SLC22A25: variants seen among roughly 807,000 people sequenced by gnomAD.
SLC22A25 encodes the protein solute carrier family 22 member 25.
In SLC22A25, 44 loss-of-function variants were observed where a neutral mutation model predicts 45.9. The ratio of observed to expected loss-of-function variants is 0.96; its 90% CI spans 0.75 to 1.23. SLC22A25 has a LOEUF of 1.23. Among genes scored for constraint, SLC22A25 ranks in the 50% most tolerant of loss-of-function variants. The pLI, the probability that SLC22A25 is intolerant of heterozygous loss-of-function variation, is 0.00. For synonymous variants in SLC22A25, 283 were observed against 238.6 expected (o/e 1.19, Z -1.72); for missense variants, 800 against 666.4 (o/e 1.20, Z -2.21).
chr11:63,235,377 C>A (rs375716147), intron 3 of SLC22A25, among the ~76,000 whole-genome samples: 5 of 152,152 alleles, frequency 3.3e-5, no homozygotes, highest in Admixed American at 2.6e-4. Context: ...CTTCTCTTCA[C>A]GCTACATTTC....
At chr11:63,227,341 G>A (rs898492983) in intron 5 of SLC22A25, among the ~76,000 whole-genome samples, 1 of 152,090 alleles carries the variant, frequency 6.6e-6, no homozygotes, top group African/African-American at 2.4e-5. Flanking sequence ...AGGAGCCAAG[G>A]GATATTTAGT....
intron 7 of SLC22A25, among the ~76,000 whole-genome samples, chr11:63,208,747 T>C (rs1590869174): frequency 6.6e-6 from 1 of 151,984 alleles, no homozygotes; most frequent in African/African-American, 2.4e-5. Flanking sequence ...GCTGTGTGCT[T>C]GGAGGTGAGT....
At chr11:63,197,875 C>A (rs1590846768) in intron 7 of SLC22A25, among the ~76,000 whole-genome samples, 1 of 152,018 alleles carries the variant, frequency 6.6e-6, no homozygotes, top group South Asian at 2.1e-4. Flanking sequence ...AATAAATTTA[C>A]AAGGAAAAAT....
rs58301566 is a variant in SLC22A25, at chr11:63,163,391, G to T, written c.*433C>A. On this transcript the variant is annotated 3_prime_UTR_variant, in exon 12 of 12. Transcript: ENST00000306494. ...TGTGATACAAAAGGACTTCTCATCT[G>T]TGGGAGGGGCTCTTATTTTCTATAC... Among the ~76,000 whole-genome samples the T allele has an allele frequency of 0.018, 2,775 of 152,186 alleles. 80 individuals carry two copies. The highest frequency in any genetic ancestry group is 0.064 in the African/African-American group (2,637 of 41,514).
At chr11:63,240,511 A>G (rs2090230390) in intron 1 of SLC22A25, among the ~76,000 whole-genome samples, 1 of 152,190 alleles carries the variant, frequency 6.6e-6, no homozygotes, top group Non-Finnish European at 1.5e-5. Context: ...GGCTTACTGT[A>G]ATTTTGTAAC....
At position 63,224,687 on chromosome 11, in the gene SLC22A25, T is replaced by A. The variant is rs1176172600; in HGVS notation, c.506+3774A>T. 5.9e-5 allele frequency among the ~76,000 whole-genome samples: 9 copies of A among 152,354 alleles called. No individual in the cohort carries two copies. The South Asian group carries it at 1.2e-3, about 21-fold the overall frequency. ...AAACTGATAGTTAATAGAGATTGCA[T>A]AAACATGAAAAACAAACAGGCAAAA... On this transcript the variant is annotated intron_variant, in intron 5 of 11. Coordinates refer to ENST00000306494, the MANE Select transcript of SLC22A25 (RefSeq NM_199352.6).
At chr11:63,205,871 C>A (rs971662966) in intron 7 of SLC22A25, among the ~76,000 whole-genome samples, 4 of 152,120 alleles carry the variant, frequency 2.6e-5, no homozygotes, top group Non-Finnish European at 5.9e-5. Context: ...GCCAATATTC[C>A]TGATGAACAT....
intron 7 of SLC22A25, among the ~76,000 whole-genome samples, chr11:63,213,892 T>C (rs577031089): frequency 2.0e-5 from 3 of 152,312 alleles, no homozygotes; most frequent in South Asian, 4.1e-4. Context: ...GTAGTAGTGA[T>C]CCAACACTCG....
At chr11:63,172,593 T>A (rs897314075) in intron 9 of SLC22A25, among the ~76,000 whole-genome samples, 1 of 150,968 alleles carries the variant, frequency 6.6e-6, no homozygotes, top group Admixed American at 6.6e-5. Flanking sequence ...CGAGATACCA[T>A]CTCATGCCAG....
intron 3 of SLC22A25, among the ~76,000 whole-genome samples, chr11:63,233,707 A>T (rs2090113201): frequency 6.6e-6 from 1 of 152,014 alleles, no homozygotes; most frequent in Non-Finnish European, 1.5e-5. Context: ...TTGCTTCTCT[A>T]GTTCTTTTAA....
chr11:63,200,544 C>G (rs1001816833), intron 7 of SLC22A25, among the ~76,000 whole-genome samples: 2 of 151,926 alleles, frequency 1.3e-5, no homozygotes, highest in African/African-American at 2.4e-5. Flanking sequence ...AACCCACAAA[C>G]AACATAATAC....
chr11:63,228,627 G>A (rs1165723499), intron 4 of SLC22A25, 63 bp from the exon 5 acceptor site: 2 of 1,238,264 alleles, frequency 1.6e-6, no homozygotes, highest in Middle Eastern at 1.9e-4. Context: ...TTATCAAAAT[G>A]TCTTAAAATA....
chr11:63,183,401 T>C (rs1174918818), intron 8 of SLC22A25, among the ~76,000 whole-genome samples: 1 of 152,106 alleles, frequency 6.6e-6, no homozygotes, highest in Non-Finnish European at 1.5e-5. Context: ...AATGAACTAA[T>C]TTAGGTTACT....
At chr11:63,215,925 A>G (rs1001430766) in intron 7 of SLC22A25, among the ~76,000 whole-genome samples, 6 of 152,192 alleles carry the variant, frequency 3.9e-5, no homozygotes, top group African/African-American at 1.2e-4. Flanking sequence ...AGCTCCATCC[A>G]TGTTCCTGCA....
intron 1 of SLC22A25, among the ~76,000 whole-genome samples, chr11:63,240,018 AC>A (rs1301987863): frequency 2.0e-5 from 3 of 152,278 alleles, no homozygotes; most frequent in African/African-American, 7.2e-5. Context: ...GAGTGTACTT[AC>A]GCAAACCTAT....
At chr11:63,174,056 A>AC (rs2087994553) in intron 9 of SLC22A25, among the ~76,000 whole-genome samples, 1 of 151,334 alleles carries the variant, frequency 6.6e-6, no homozygotes, top group Non-Finnish European at 1.5e-5. Flanking sequence ...CCCCTAACCC[A>AC]CCACCCCCTG....
intron 7 of SLC22A25, among the ~76,000 whole-genome samples, chr11:63,215,740 T>C (rs1304284638): frequency 6.6e-6 from 1 of 152,138 alleles, no homozygotes; most frequent in Non-Finnish European, 1.5e-5. Flanking sequence ...CCAGTACCCA[T>C]AGTTATCTTT....
In SLC22A25 at chr11:63,162,316, G is replaced by T. The variant is rs1484392919; in HGVS notation, c.*1508C>A. On this transcript the variant is annotated 3_prime_UTR_variant, in exon 12 of 12. Transcript: ENST00000306494. The stretch of plus-strand genomic sequence containing the variant: ...TTTGCTTTGTTTTCCTGTACTTGTG[G>T]GGTATTACTCAAGAAATCTTTGGCC... 6.6e-6 allele frequency among the ~76,000 whole-genome samples: 1 copy of T among 152,082 alleles called. No homozygotes were observed. The highest frequency in any genetic ancestry group is 1.5e-5 in the Non-Finnish European group (1 of 68,018).
intron 7 of SLC22A25, among the ~76,000 whole-genome samples, chr11:63,201,866 G>A (rs191738736): frequency 2.0e-5 from 3 of 152,250 alleles, no homozygotes; most frequent in Non-Finnish European, 4.4e-5. Flanking sequence ...GATGGCTGAA[G>A]AGGAACAGCT....
Sources: allele counts gnomAD v4.1 joint callset (sites outside exome capture counted in the v4.1 genomes callset), GRCh38; gene constraint gnomAD v4.1.1; transcripts MANE v1.5; gene names NCBI Gene and HGNC (gene_info 2026-07-23, HGNC 2026-07-21).